The following MYO5B variants were observed in gnomAD, a reference collection of about 807,000 sequenced individuals.
MYO5B encodes the protein unconventional myosin-Vb.
A neutral mutation model predicts 229.3 loss-of-function variants in MYO5B; 143 were observed. The observed-to-expected ratio is 0.62, with a 90% CI of 0.54 to 0.72. The LOEUF is 0.72. MYO5B is among the 30% of genes least tolerant of loss of function. The pLI, the probability that MYO5B is intolerant of heterozygous loss-of-function variation, is 0.00. For missense variants in MYO5B, 2,321 were observed against 2,331.0 expected (o/e 1.00, Z 0.09); for synonymous variants, 918 against 885.2 (o/e 1.04, Z -0.66).
At chr18:50,027,067 A>G (rs1363196166) in intron 4 of MYO5B, among the ~76,000 whole-genome samples, 1 of 152,242 alleles carries the variant, frequency 6.6e-6, no homozygotes, top group African/African-American at 2.4e-5. Flanking sequence ...TATAAATGTG[A>G]AAATACACAG....
At chr18:50,080,737 C>A (rs1599005906) in intron 1 of MYO5B, among the ~76,000 whole-genome samples, 1 of 152,266 alleles carries the variant, frequency 6.6e-6, no homozygotes, top group Non-Finnish European at 1.5e-5. Context: ...AAGGATGGTG[C>A]CAGGTTGCCA....
At chr18:49,924,830 G>A (rs1188597287) in intron 17 of MYO5B, among the ~76,000 whole-genome samples, 1 of 152,068 alleles carries the variant, frequency 6.6e-6, no homozygotes, top group African/African-American at 2.4e-5. Flanking sequence ...TTTACATCCT[G>A]ATGCACCCAT....
At chr18:49,948,008 A>G (rs1001063009) in intron 14 of MYO5B, among the ~76,000 whole-genome samples, 5 of 152,206 alleles carry the variant, frequency 3.3e-5, no homozygotes, top group Admixed American at 2.6e-4. Flanking sequence ...TGCTATCTAC[A>G]TACGTAACAA....
At chr18:50,141,526 A>C (rs542104604) in intron 1 of MYO5B, among the ~76,000 whole-genome samples, 1 of 152,260 alleles carries the variant, frequency 6.6e-6, no homozygotes, top group South Asian at 2.1e-4. Flanking sequence ...TCTTCCCTGG[A>C]TGAAGCCAAG....
chr18:50,132,925 C>T (rs2032276519), intron 1 of MYO5B, among the ~76,000 whole-genome samples: 1 of 152,226 alleles, frequency 6.6e-6, no homozygotes, highest in African/African-American at 2.4e-5. Flanking sequence ...TAGCTTCAAC[C>T]ACTGGGATGT....
At chr18:49,985,056 TA>T (rs1273765892) in intron 7 of MYO5B, among the ~76,000 whole-genome samples, 2 of 152,224 alleles carry the variant, frequency 1.3e-5, no homozygotes, top group African/African-American at 4.8e-5. Flanking sequence ...TGTATTTATG[TA>T]AAACTGGCAC....
intron 4 of MYO5B, among the ~76,000 whole-genome samples, chr18:50,028,892 T>C (rs1173715080): frequency 6.6e-6 from 1 of 152,252 alleles, no homozygotes; most frequent in African/African-American, 2.4e-5. Context: ...ACAAATCATG[T>C]TGGGTACACT....
At chr18:49,956,896 T>C (rs902553702) in intron 12 of MYO5B, among the ~76,000 whole-genome samples, 1 of 151,954 alleles carries the variant, frequency 6.6e-6, no homozygotes, top group Non-Finnish European at 1.5e-5. Flanking sequence ...GAAAGTAGAT[T>C]AGTGGTTGCC....
chr18:50,024,590 T>TACAGAGGG (rs2026310945), intron 4 of MYO5B, among the ~76,000 whole-genome samples: 4 of 152,222 alleles, frequency 2.6e-5, no homozygotes, highest in African/African-American at 9.6e-5. Context: ...CCGTCATCTT[T>TACAGAGGG]TGGCTGTAAG....
chr18:49,937,528 C>G, intron 14 of MYO5B, 131 bp from the exon 15 acceptor site: 2 of 1,073,534 alleles, frequency 1.9e-6, no homozygotes, highest in East Asian at 5.2e-5. Flanking sequence ...ACACACCAAC[C>G]TGCACAGCAG....
intron 38 of MYO5B, among the ~76,000 whole-genome samples, chr18:49,836,331 T>TA (rs1452366473): frequency 5.3e-5 from 8 of 152,338 alleles, no homozygotes; most frequent in African/African-American, 1.4e-4. Flanking sequence ...GTTATATTTG[T>TA]AAAGAAAGCA....
chr18:49,860,716 C>G (rs2024319159), intron 29 of MYO5B, among the ~76,000 whole-genome samples: 1 of 152,218 alleles, frequency 6.6e-6, no homozygotes, highest in African/African-American at 2.4e-5. Context: ...AAGCAAAATT[C>G]AGCATATGAG....
intron 5 of MYO5B, 61 bp downstream of exon 5, chr18:50,001,194 A>C: frequency 6.2e-7 from 1 of 1,606,442 alleles, no homozygotes; most frequent in Non-Finnish European, 8.5e-7. Flanking sequence ...GACGCCCAGC[A>C]GTCTTGCTGC....
intron 17 of MYO5B, among the ~76,000 whole-genome samples, chr18:49,917,982 T>A (rs1208702795): frequency 1.3e-5 from 2 of 152,030 alleles, no homozygotes. Flanking sequence ...AAGGCCAATA[T>A]GGGATGGGCC....
At position 49,880,460 on chromosome 18, in the gene MYO5B, A is replaced by G. The variant is rs1214109662; in HGVS notation, c.3046-5T>C. ...TTGCTCCAGGTCTGCAACTCGCTGG[A>G]AGAGAGCAATAGGGGAAAAATGTCT... On this transcript the variant is annotated splice_region_variant and splice_polypyrimidine_tract_variant and intron_variant, in intron 22 of 39. Coordinates refer to ENST00000285039, the MANE Select transcript of MYO5B (RefSeq NM_001080467.3). 6.2e-7 allele frequency: 1 copy of G among 1,613,016 alleles called. No homozygotes were observed. Among genetic ancestry groups the G allele is most frequent in the Non-Finnish European group, 8.5e-7 (1 of 1,178,982 alleles).
chr18:50,124,063 C>T (rs773186017), intron 1 of MYO5B, among the ~76,000 whole-genome samples: 3 of 152,120 alleles, frequency 2.0e-5, no homozygotes, highest in Non-Finnish European at 4.4e-5. Flanking sequence ...TGTGCTTTTG[C>T]GCTTAGTAAA....
At chr18:50,082,675 T>C (rs1323458809) in intron 1 of MYO5B, among the ~76,000 whole-genome samples, 1 of 152,170 alleles carries the variant, frequency 6.6e-6, no homozygotes, top group Non-Finnish European at 1.5e-5. Flanking sequence ...CCAACTTCTG[T>C]CCCTCCTAGG....
At chr18:49,830,131 A>C (rs2023896100) in intron 39 of MYO5B, among the ~76,000 whole-genome samples, 1 of 142,492 alleles carries the variant, frequency 7.0e-6, no homozygotes, top group Admixed American at 6.8e-5. Flanking sequence ...TACATGTAGA[A>C]AAACTGAAAG....
intron 6 of MYO5B, 118 bp downstream of exon 6, chr18:49,992,170 C>A: frequency 7.3e-7 from 1 of 1,377,522 alleles, no homozygotes; most frequent in Admixed American, 1.7e-5. Context: ...AGAACAACTA[C>A]ATTCAATTCC....
Sources: allele counts gnomAD v4.1 joint callset (sites outside exome capture counted in the v4.1 genomes callset), GRCh38; gene constraint gnomAD v4.1.1; transcripts MANE v1.5; gene names NCBI Gene and HGNC (gene_info 2026-07-23, HGNC 2026-07-21).